Variants in TRPV1 observed in about 807,000 individuals in gnomAD.
TRPV1 encodes the protein OTRPC1.
TRPV1 carries 82 observed loss-of-function variants against 82.3 expected under a neutral mutation model. The observed-to-expected ratio is 1.00, with a 90% CI of 0.83 to 1.20. The LOEUF (loss-of-function observed/expected upper bound fraction) is 1.20, where lower values mean the gene tolerates loss of function less well. Among genes scored for constraint, TRPV1 ranks in the 50% most tolerant of loss-of-function variants. The pLI, the probability that TRPV1 is intolerant of heterozygous loss-of-function variation, is 0.00. For missense variants in TRPV1, 1,067 were observed against 1,096.8 expected (o/e 0.97, Z 0.38); for synonymous variants, 515 against 467.7 (o/e 1.10, Z -1.30).
At chr17:3,571,279 C>T (rs1317108636) in intron 16 of TRPV1, among the ~76,000 whole-genome samples, 3 of 152,230 alleles carry the variant, frequency 2.0e-5, no homozygotes, top group Admixed American at 2.0e-4. Context: ...GCTGGAGGTG[C>T]TGGCACAGCC....
chr17:3,575,844 G>A (rs776897369), intron 13 of TRPV1, among the ~76,000 whole-genome samples: 32 of 152,244 alleles, frequency 2.1e-4, no homozygotes, highest in Non-Finnish European at 4.6e-4. Context: ...CACCCAAATT[G>A]AGAAACATTG....
In TRPV1 at chr17:3,592,107, T is replaced by C. The variant is rs201021275; in HGVS notation, c.244A>G (p.Ile82Val). Residue 82 changes from isoleucine (I) to valine (V), a missense_variant, in exon 3 of 17, where the codon ATC becomes GTC. Transcript: ENST00000572705. ...SCPTITVSPV[I>V]TIQRPGDGPT... Reference sequence around the variant, plus strand: ...CCGTCTCCTGGCCTCTGGATGGTGATAACAGGGCTGACTGTGATGGTCGGG... The same window carrying C: ...CCGTCTCCTGGCCTCTGGATGGTGACAACAGGGCTGACTGTGATGGTCGGG... 64 of 1,613,706 alleles carry C rather than the reference T, an allele frequency of 4.0e-5. No individual in the cohort carries two copies. The highest frequency in any genetic ancestry group is 5.3e-5 in the Non-Finnish European group (63 of 1,179,856).
chr17:3,604,560 T>G (rs1438017582), intron 2 of TRPV1, among the ~76,000 whole-genome samples: 2 of 147,298 alleles, frequency 1.4e-5, no homozygotes, highest in African/African-American at 2.5e-5. Context: ...ATCGCACCAC[T>G]GCACTCTAGC....
intron 15 of TRPV1, 48 bp downstream of exon 15, chr17:3,572,074 G>A (rs2074861220): frequency 6.3e-7 from 1 of 1,597,562 alleles, no homozygotes; most frequent in Non-Finnish European, 8.6e-7. Context: ...GTCCACAGGT[G>A]AGCCCCAAAG....
At chr17:3,588,133 G>A (rs1334620329) in intron 8 of TRPV1, 55 bp downstream of exon 8, 12 of 1,521,912 alleles carry the variant, frequency 7.9e-6, no homozygotes, top group Non-Finnish European at 9.8e-6. Context: ...GGCTGGGATT[G>A]GGGCTTGGGT....
intron 9 of TRPV1, 143 bp from the exon 10 acceptor site, chr17:3,583,573 G>A (rs956401956): frequency 8.3e-6 from 6 of 719,696 alleles, no homozygotes; most frequent in South Asian, 6.0e-5. Flanking sequence ...TGTGTTATTA[G>A]GGGAGCGCCC....
chr17:3,590,115 C>A lies in TRPV1; in HGVS notation c.746-10G>T. On this transcript the variant is annotated splice_polypyrimidine_tract_variant and intron_variant, in intron 6 of 16. Coordinates refer to ENST00000572705, the MANE Select transcript of TRPV1 (RefSeq NM_080704.4). ...GACAGGGGCAGTTCACCTGCATGAA[C>A]ACAGGGCCCAGGTGGGCCTCAGGAG... 1 of 1,599,418 alleles carries A rather than the reference C, an allele frequency of 6.3e-7. No individual in the cohort carries two copies. Among genetic ancestry groups the A allele is most frequent in the East Asian group, 2.2e-5 (1 of 44,652 alleles).
intron 16 of TRPV1, among the ~76,000 whole-genome samples, chr17:3,571,249 C>T (rs771789183): frequency 1.3e-5 from 2 of 152,218 alleles, no homozygotes; most frequent in African/African-American, 4.8e-5. Flanking sequence ...TCCCCTGGGG[C>T]GCTGAGGACA....
chr17:3,576,668 A>AAAAAAAAAAAATATAGAT, intron 13 of TRPV1, among the ~76,000 whole-genome samples: 1 of 38,390 alleles, frequency 2.6e-5, no homozygotes, highest in Non-Finnish European at 5.3e-5. Flanking sequence ...AAAAAAAAAA[A>AAAAAAAAAAAATATAGAT]ATATATATAT....
intron 14 of TRPV1, among the ~76,000 whole-genome samples, chr17:3,572,918 G>T (rs1429618879): frequency 6.8e-6 from 1 of 147,440 alleles, no homozygotes; most frequent in Non-Finnish European, 1.5e-5. Flanking sequence ...GGGAGGCAGA[G>T]GTTGCAGTCA....
intron 14 of TRPV1, among the ~76,000 whole-genome samples, chr17:3,573,410 G>A (rs961217399): frequency 6.6e-6 from 1 of 152,174 alleles, no homozygotes; most frequent in African/African-American, 2.4e-5. Context: ...TGAGGGAGGT[G>A]CTGAGGCTGG....
At chr17:3,601,030 C>G (rs779680559) in intron 2 of TRPV1, among the ~76,000 whole-genome samples, 2 of 152,082 alleles carry the variant, frequency 1.3e-5, no homozygotes, top group Non-Finnish European at 2.9e-5. Context: ...CCCCCTCCCC[C>G]CAGCATAACC....
chr17:3,584,696 C>G (rs1247427310), intron 9 of TRPV1, among the ~76,000 whole-genome samples: 1 of 150,494 alleles, frequency 6.6e-6, no homozygotes, highest in African/African-American at 2.4e-5. Context: ...TTCGGGAGGC[C>G]GAGGCAGAAG....
Position 3,577,451 on chromosome 17 carries a change from T to C in TRPV1, c.1713+147A>G, listed in dbSNP as rs149633009. On this transcript the variant is annotated intron_variant, in intron 12 of 16. Coordinates refer to ENST00000572705, the MANE Select transcript of TRPV1 (RefSeq NM_080704.4). ...TACACATACCTGGGTCAGGGCCAGA[T>C]TGCTTGATTCTTGGAAAATAGGCTG... 4.9e-3 allele frequency: 5,538 copies of C among 1,126,392 alleles called. 26 individuals are homozygous for C. The highest frequency in any genetic ancestry group is 6.5e-3 in the Admixed American group (280 of 42,948). 69.8% of individuals were successfully genotyped at this position (1,126,392 alleles called of 1,614,324 possible). A position where few individuals can be genotyped will look rare whatever the true frequency, so the allele number is the denominator to read the frequency against.
rs2075276514 is a variant in TRPV1 at position 3,603,183 on chromosome 17, T to C, written c.-34+5244A>G. Among the ~76,000 whole-genome samples, 3 of 151,958 alleles carry C rather than the reference T, an allele frequency of 2.0e-5. No homozygotes were observed. In the South Asian group the frequency reaches 6.2e-4, roughly 32 times the overall value. On this transcript the variant is annotated intron_variant, in intron 2 of 16. Coordinates refer to ENST00000572705, the MANE Select transcript of TRPV1 (RefSeq NM_080704.4). ...TACCCTCCTTCCTGCATTTCGTCTCTGTGTTCCTGTCACCGGGTGCCCAAG... is the reference window on the plus strand; with the variant it reads ...TACCCTCCTTCCTGCATTTCGTCTCCGTGTTCCTGTCACCGGGTGCCCAAG...
chr17:3,588,037 C>T, intron 8 of TRPV1, 151 bp downstream of exon 8: 1 of 805,886 alleles, frequency 1.2e-6, no homozygotes. Context: ...ATTCAGTGGG[C>T]ATGAGTGGGG....
intron 16 of TRPV1, among the ~76,000 whole-genome samples, chr17:3,569,096 A>G (rs1469875975): frequency 6.6e-6 from 1 of 151,922 alleles, no homozygotes; most frequent in African/African-American, 2.4e-5. Flanking sequence ...GAAGGGGGAC[A>G]TCACACACCG....
At chr17:3,584,896 C>T (rs900019830) in intron 9 of TRPV1, among the ~76,000 whole-genome samples, 61 of 152,216 alleles carry the variant, frequency 4.0e-4, no homozygotes, top group African/African-American at 1.5e-3. Flanking sequence ...GGACTAAGTC[C>T]AGAAGTTTGA....
Position 3,581,322 on chromosome 17 carries a change from T to A in TRPV1, c.1477-795A>T, listed in dbSNP as rs1043062108. On this transcript the variant is annotated intron_variant, in intron 10 of 16. Transcript: ENST00000572705. ...TTTTAAGTAAGCGTTAAAATAAAAA[T>A]TCTTGTAACAAGCCGCCACTGTCAG... Among the ~76,000 whole-genome samples, 5 of 152,184 alleles carry A rather than the reference T, an allele frequency of 3.3e-5. No homozygotes were observed. In the South Asian group the frequency reaches 8.3e-4, roughly 25 times the overall value.
Sources: gnomAD v4.1 joint callset for allele counts (sites outside exome capture counted in the v4.1 genomes callset) on GRCh38, gnomAD v4.1.1 for gene constraint, MANE v1.5 for transcripts, NCBI Gene and HGNC (gene_info 2026-07-23, HGNC 2026-07-21) for gene names.